The following SYT1 variants were observed in gnomAD, a reference collection of about 807,000 sequenced individuals.
SYT1 encodes the protein synaptotagmin-1.
In SYT1, 8 loss-of-function variants were observed where a neutral mutation model predicts 44.8. The ratio of observed to expected loss-of-function variants is 0.18; its 90% CI spans 0.10 to 0.32. The LOEUF is 0.32. Among genes scored for constraint, SYT1 ranks in the 10% least tolerant of loss-of-function variants. The probability of loss-of-function intolerance (pLI) is 1.00; values close to 1 mark genes in which losing one functional copy is unlikely to be tolerated. For missense variants in SYT1, 286 were observed against 509.3 expected (o/e 0.56, Z 4.22); for synonymous variants, 154 against 188.8 (o/e 0.82, Z 1.51).
chr12:79,279,156 C>G (rs1251065291), intron 4 of SYT1, among the ~76,000 whole-genome samples: 2 of 151,958 alleles, frequency 1.3e-5, no homozygotes, highest in South Asian at 4.1e-4. Context: ...CTAACTCATT[C>G]TACAAAGCCA....
chr12:79,378,100 C>T (rs1884074281), intron 9 of SYT1, among the ~76,000 whole-genome samples: 1 of 152,150 alleles, frequency 6.6e-6, no homozygotes, highest in Non-Finnish European at 1.5e-5. Context: ...AAATGCAGGC[C>T]ATAAGCCATG....
intron 3 of SYT1, among the ~76,000 whole-genome samples, chr12:79,065,669 C>A (rs1875791108): frequency 6.6e-6 from 1 of 152,002 alleles, no homozygotes; most frequent in Non-Finnish European, 1.5e-5. Context: ...TCTTGAAACC[C>A]ATCATAATCA....
rs1175978184 is a variant in SYT1, at chr12:79,292,067, C to G, written c.411C>G (p.Pro137=). ...CAGATGGAGAAGAAAAAGAAGAACC[C>G]AAAGAAGAGGAGAAACTGGGAAAAC... ...GLTDGEEKEE[P]KEEEKLGKLQ... is the part of the protein sequence containing the mutation. The change falls in exon 6 of 11, where the codon CCC becomes CCG. Residue 137 remains proline, a synonymous_variant. Transcript: ENST00000261205. 1 of 1,613,844 alleles carries G rather than the reference C, an allele frequency of 6.2e-7. No homozygotes were observed. Among genetic ancestry groups the G allele is most frequent in the Non-Finnish European group, 8.5e-7 (1 of 1,179,996 alleles).
chr12:78,933,595 T>G (rs1047181129), intron 1 of SYT1, among the ~76,000 whole-genome samples: 1 of 152,050 alleles, frequency 6.6e-6, no homozygotes, highest in African/African-American at 2.4e-5. Context: ...ATTAGTATTT[T>G]GCTAGTACAG....
At chr12:79,118,326 A>T (rs1464133768) in intron 3 of SYT1, among the ~76,000 whole-genome samples, 1 of 152,214 alleles carries the variant, frequency 6.6e-6, no homozygotes, top group Non-Finnish European at 1.5e-5. Context: ...AGCAGTCTCT[A>T]CTGGGTTAGG....
intron 4 of SYT1, among the ~76,000 whole-genome samples, chr12:79,276,139 AAAAC>A (rs56995721): frequency 0.33 from 50,261 of 151,330 alleles, 8,581 homozygotes; most frequent in South Asian, 0.47. Context: ...CTGGCAATAT[AAAAC>A]AAACAAACAA....
chr12:79,072,410 A>G (rs1436529801), intron 3 of SYT1, among the ~76,000 whole-genome samples: 1 of 152,138 alleles, frequency 6.6e-6, no homozygotes, highest in Non-Finnish European at 1.5e-5. Flanking sequence ...ACTATAATAA[A>G]GTTTGAAATT....
At chr12:79,328,942 C>G (rs1478151128) in intron 8 of SYT1, among the ~76,000 whole-genome samples, 1 of 151,846 alleles carries the variant, frequency 6.6e-6, no homozygotes, top group Admixed American at 6.6e-5. Flanking sequence ...TGAAGAATAG[C>G]AAGCATGGCC....
intron 3 of SYT1, among the ~76,000 whole-genome samples, chr12:79,183,253 T>C (rs1872638019): frequency 6.6e-6 from 1 of 151,974 alleles, no homozygotes; most frequent in African/African-American, 2.4e-5. Context: ...ACAAGTCTTC[T>C]GCAGTGAGTG....
chr12:78,891,758 C>T (rs1875064037), intron 1 of SYT1, among the ~76,000 whole-genome samples: 1 of 151,868 alleles, frequency 6.6e-6, no homozygotes, highest in Non-Finnish European at 1.5e-5. Flanking sequence ...GGACACAAAT[C>T]ATGGCTGTAG....
At chr12:79,026,667 T>TTATATATATA (rs3064320) in intron 2 of SYT1, among the ~76,000 whole-genome samples, 2,579 of 102,060 alleles carry the variant, frequency 0.025, 48 homozygotes, top group South Asian at 0.038. Context: ...CATATATATT[T>TTATATATATA]TATATATATA....
chr12:79,349,021 AAGAAAGAAAGAAAAAGAAAG>A (rs1882748455), intron 8 of SYT1, among the ~76,000 whole-genome samples: 1 of 137,224 alleles, frequency 7.3e-6, no homozygotes, highest in South Asian at 2.4e-4. Flanking sequence ...GAAAGAAAGA[AAGAAAGAAAGAAAAAGAAAG>A]AAAGAAAGAA....
chr12:78,887,492 G>A (rs1427069988), intron 1 of SYT1, among the ~76,000 whole-genome samples: 3 of 151,892 alleles, frequency 2.0e-5, no homozygotes, highest in South Asian at 2.1e-4. Flanking sequence ...CATTAACAGC[G>A]ATAGTAAGAA....
intron 3 of SYT1, among the ~76,000 whole-genome samples, chr12:79,080,238 G>A (rs1382475585): frequency 1.3e-5 from 2 of 151,940 alleles, no homozygotes; most frequent in African/African-American, 4.8e-5. Flanking sequence ...CTGTGTATTT[G>A]GACAAGAAAG....
chr12:79,274,231 G>C (rs948192843), intron 4 of SYT1, among the ~76,000 whole-genome samples: 1 of 152,202 alleles, frequency 6.6e-6, no homozygotes, highest in African/African-American at 2.4e-5. Context: ...TCTGCTTTGC[G>C]GGTCAATCCA....
At chr12:78,978,843 G>C (rs1592627125) in intron 2 of SYT1, among the ~76,000 whole-genome samples, 1 of 152,260 alleles carries the variant, frequency 6.6e-6, no homozygotes, top group East Asian at 1.9e-4. Context: ...GAGGAAGTTT[G>C]CTACAGTGGA....
intron 3 of SYT1, among the ~76,000 whole-genome samples, chr12:79,144,640 G>A (rs749292327): frequency 2.0e-5 from 3 of 152,168 alleles, no homozygotes; most frequent in Non-Finnish European, 2.9e-5. Flanking sequence ...CTATTGACCC[G>A]ACACTAGGAA....
At chr12:79,120,466 G>T (rs1007667906) in intron 3 of SYT1, among the ~76,000 whole-genome samples, 2 of 152,076 alleles carry the variant, frequency 1.3e-5, no homozygotes, top group Non-Finnish European at 2.9e-5. Flanking sequence ...AGGGAGAGCT[G>T]CTTAAAACAG....
chr12:78,930,067 A>T (rs1219164259), intron 1 of SYT1, among the ~76,000 whole-genome samples: 2 of 152,150 alleles, frequency 1.3e-5, no homozygotes, highest in Non-Finnish European at 2.9e-5. Flanking sequence ...AATTTCAGTT[A>T]AACTGGAGGA....
Sources: allele counts gnomAD v4.1 joint callset (sites outside exome capture counted in the v4.1 genomes callset), GRCh38; gene constraint gnomAD v4.1.1; transcripts MANE v1.5; gene names NCBI Gene and HGNC (gene_info 2026-07-23, HGNC 2026-07-21).